The following RAB30 variants were observed in gnomAD, a reference collection of about 807,000 sequenced individuals.
The protein encoded by RAB30 is ras-related protein Rab-30.
RAB30 carries 9 observed loss-of-function variants against 25.1 expected under a neutral mutation model. The observed-to-expected ratio is 0.36, with a 90% CI of 0.22 to 0.63. The LOEUF (loss-of-function observed/expected upper bound fraction) is 0.63. Among genes scored for constraint, RAB30 ranks in the 20% least tolerant of loss-of-function variants. The pLI is 0.69. For synonymous variants in RAB30, 77 were observed against 86.4 expected (o/e 0.89, Z 0.60); for missense variants, 140 against 243.5 (o/e 0.58, Z 2.83).
intron 3 of RAB30, among the ~76,000 whole-genome samples, chr11:82,989,606 C>G (rs1337899637): frequency 6.6e-6 from 1 of 152,194 alleles, no homozygotes; most frequent in East Asian, 1.9e-4. Flanking sequence ...CACTGAGCCC[C>G]TAAAACACTT....
intron 1 of RAB30, among the ~76,000 whole-genome samples, chr11:83,026,367 G>T (rs1262693372): frequency 2.0e-5 from 3 of 152,212 alleles, no homozygotes; most frequent in Admixed American, 2.0e-4. Flanking sequence ...TTTGGATCAT[G>T]GGATAGATCC....
chr11:83,019,096 G>A lies in RAB30; in HGVS notation c.-8-21772C>T, dbSNP rs1233856120. On this transcript the variant is annotated intron_variant, in intron 1 of 4. Coordinates refer to ENST00000527633, the MANE Select transcript of RAB30 (RefSeq NM_001286060.2). ...GGCTGGAATGCAGTGGCATGATCTCGGCTCACTGCAACATCCACCTCCCAG... is the reference window on the plus strand; with the variant it reads ...GGCTGGAATGCAGTGGCATGATCTCAGCTCACTGCAACATCCACCTCCCAG... Among the ~76,000 whole-genome samples the A allele has an allele frequency of 5.3e-5, 8 of 152,078 alleles. No homozygotes were observed. The East Asian group carries it at 5.8e-4, about 11-fold the overall frequency.
At chr11:83,041,119 C>T (rs1021495261) in intron 1 of RAB30, 3 of 152,262 alleles carry the variant, frequency 2.0e-5, no homozygotes, top group African/African-American at 7.3e-5. Context: ...TTGCTTGAAC[C>T]CAGGAGGTGG....
rs562587977 is a variant in RAB30, at chr11:83,007,708, G to A, written c.-8-10384C>T. On this transcript the variant is annotated intron_variant, in intron 1 of 4. Coordinates refer to ENST00000527633, the MANE Select transcript of RAB30 (RefSeq NM_001286060.2). ...GACCCACTCAGTTAACTCCCCAGGC[G>A]GGGCTAATTTGTTTCGTACCACAGC... Among the ~76,000 whole-genome samples the A allele has an allele frequency of 2.1e-4, 32 of 152,318 alleles. 1 individual carries two copies. The highest frequency in any genetic ancestry group is 9.2e-4 in the Admixed American group (14 of 15,296).
intron 1 of RAB30, among the ~76,000 whole-genome samples, chr11:83,018,809 A>ATCCC (rs1857499006): frequency 6.6e-6 from 1 of 152,180 alleles, no homozygotes; most frequent in Non-Finnish European, 1.5e-5. Context: ...ATTGTCTAGA[A>ATCCC]TTTTAATGAT....
At chr11:83,029,661 CTAT>C (rs1857807220) in intron 1 of RAB30, among the ~76,000 whole-genome samples, 1 of 152,134 alleles carries the variant, frequency 6.6e-6, no homozygotes, top group Non-Finnish European at 1.5e-5. Context: ...TTACATTATA[CTAT>C]TATTATCACA....
intron 3 of RAB30, among the ~76,000 whole-genome samples, chr11:82,992,717 T>C (rs913978944): frequency 1.4e-5 from 2 of 147,530 alleles, no homozygotes; most frequent in African/African-American, 2.5e-5. Context: ...TCTCTCTCTC[T>C]TTCTCTCTCT....
chr11:83,000,968 A>T (rs993363909), intron 1 of RAB30, among the ~76,000 whole-genome samples: 3 of 141,518 alleles, frequency 2.1e-5, no homozygotes, highest in African/African-American at 7.9e-5. Context: ...AATGGCGTGA[A>T]CCCAGAAGGC....
intron 3 of RAB30, among the ~76,000 whole-genome samples, chr11:82,992,878 C>T (rs1194678528): frequency 6.6e-6 from 1 of 152,192 alleles, no homozygotes; most frequent in Non-Finnish European, 1.5e-5. Flanking sequence ...TCCCGAGTAG[C>T]TGGGACTACA....
chr11:82,988,167 T>C (rs564230642), intron 3 of RAB30, among the ~76,000 whole-genome samples: 4 of 152,306 alleles, frequency 2.6e-5, no homozygotes, highest in South Asian at 2.1e-4. Context: ...ACTATCATAA[T>C]ACCCATTTCT....
intron 1 of RAB30, among the ~76,000 whole-genome samples, chr11:83,004,112 T>C (rs1183859492): frequency 6.6e-6 from 1 of 152,220 alleles, no homozygotes; most frequent in African/African-American, 2.4e-5. Flanking sequence ...AATTCTTTTC[T>C]CATATAAAAC....
At chr11:83,060,209 A>T (rs893702360) in intron 1 of RAB30, 18 of 144,398 alleles carry the variant, frequency 1.2e-4, no homozygotes, top group African/African-American at 4.0e-4. Flanking sequence ...TCTGTCTCAT[A>T]AAAAAAAAAA....
intron 1 of RAB30, among the ~76,000 whole-genome samples, chr11:83,020,635 G>A (rs1857551592): frequency 6.6e-6 from 1 of 152,218 alleles, no homozygotes; most frequent in South Asian, 2.1e-4. Context: ...CCACAAACCA[G>A]GGTGGCGATT....
At chr11:83,042,979 A>G (rs1858160547) in intron 1 of RAB30, among the ~76,000 whole-genome samples, 1 of 152,234 alleles carries the variant, frequency 6.6e-6, no homozygotes, top group South Asian at 2.1e-4. Context: ...ACATTACAAC[A>G]TTAACATTAT....
In RAB30 at chr11:82,982,176, TACA is replaced by T; in HGVS notation, c.598_600del (p.Cys200del). The T allele has an allele frequency of 1.2e-6, 2 of 1,614,186 alleles. No homozygotes were observed. The highest frequency in any genetic ancestry group is 1.7e-6 in the Non-Finnish European group (2 of 1,180,026). ...CCGTGCCTCAGCCTTTAGTTGAAATTACAACAAGTCAAATAGCTGATGCTTTTC... is the reference window on the plus strand; with the variant it reads ...CCGTGCCTCAGCCTTTAGTTGAAATTACAAGTCAAATAGCTGATGCTTTTC... On this transcript the variant is annotated inframe_deletion, in exon 5 of 5. Transcript: ENST00000527633.
At position 82,978,974 on chromosome 11, in the gene RAB30, G is replaced by C. The variant is rs1856594205; in HGVS notation, c.*3191C>G. 6.6e-6 allele frequency: 1 copy of C among 152,016 alleles called. No homozygotes were observed. The highest frequency in any genetic ancestry group is 6.5e-5 in the Admixed American group (1 of 15,268). 9.4% of individuals were successfully genotyped at this position (152,016 alleles called of 1,614,324 possible). A position where few individuals can be genotyped will look rare whatever the true frequency, so the allele number is the denominator to read the frequency against. On this transcript the variant is annotated 3_prime_UTR_variant, in exon 5 of 5. Coordinates refer to ENST00000527633, the MANE Select transcript of RAB30 (RefSeq NM_001286060.2). Reference sequence around the variant, plus strand: ...AGATAAAAACGTGAAATGATTAAAAGACCGAGAAAAAGAAAGGCCAGGAAG... The same window carrying C: ...AGATAAAAACGTGAAATGATTAAAACACCGAGAAAAAGAAAGGCCAGGAAG...
chr11:83,069,698 C>T (rs969173147), intron 1 of RAB30, among the ~76,000 whole-genome samples: 2 of 152,184 alleles, frequency 1.3e-5, no homozygotes, highest in African/African-American at 2.4e-5. Context: ...ATTATGAGAA[C>T]ATTTCATGTA....
intron 1 of RAB30, among the ~76,000 whole-genome samples, chr11:83,069,322 T>TA (rs1459807972): frequency 6.6e-6 from 1 of 152,222 alleles, no homozygotes; most frequent in Admixed American, 6.5e-5. Flanking sequence ...ATCTGCCTGT[T>TA]ACACTAGTTG....
intron 1 of RAB30, among the ~76,000 whole-genome samples, chr11:83,032,861 A>G (rs1283554343): frequency 6.6e-6 from 1 of 152,094 alleles, no homozygotes; most frequent in Non-Finnish European, 1.5e-5. Flanking sequence ...TTTATACCCA[A>G]TATTAATTAA....
Sources: gnomAD v4.1 joint callset for allele counts (sites outside exome capture counted in the v4.1 genomes callset) on GRCh38, gnomAD v4.1.1 for gene constraint, MANE v1.5 for transcripts, NCBI Gene and HGNC (gene_info 2026-07-23, HGNC 2026-07-21) for gene names.